The following SPIDR variants were observed in gnomAD, a reference collection of about 807,000 sequenced individuals.
The protein encoded by SPIDR is scaffold protein involved in DNA repair.
SPIDR carries 93 observed loss-of-function variants against 104.6 expected under a neutral mutation model. That is an observed-to-expected ratio of 0.89 (90% CI 0.75 to 1.06). SPIDR has a LOEUF of 1.06. Among genes scored for constraint, SPIDR ranks in the 50% least tolerant of loss-of-function variants. SPIDR has a pLI of 0.00. For missense variants in SPIDR, 1,154 were observed against 1,111.2 expected, an observed-to-expected ratio of 1.04 and a Z score of -0.55; for synonymous variants, 431 against 416.9, an observed-to-expected ratio of 1.03 and a Z score of -0.41.
intron 10 of SPIDR, among the ~76,000 whole-genome samples, chr8:47,653,176 C>G (rs950499627): frequency 1.3e-5 from 2 of 152,190 alleles, no homozygotes; most frequent in Admixed American, 6.5e-5. Flanking sequence ...CTCTGAAAGC[C>G]TGTGTGACTC....
At chr8:47,700,226 C>T (rs1300259650) in intron 11 of SPIDR, among the ~76,000 whole-genome samples, 177 bp from the exon 12 acceptor site, 1 of 152,132 alleles carries the variant, frequency 6.6e-6, no homozygotes, top group Non-Finnish European at 1.5e-5. Context: ...AGTTGGTTTC[C>T]CACAGTGTCT....
chr8:47,477,377 G>A (rs2076408993), intron 8 of SPIDR, among the ~76,000 whole-genome samples: 1 of 152,066 alleles, frequency 6.6e-6, no homozygotes. Context: ...TTTGTATTTT[G>A]TAGAGACAGA....
intron 7 of SPIDR, among the ~76,000 whole-genome samples, chr8:47,433,521 A>G (rs1307316388): frequency 6.6e-6 from 1 of 152,186 alleles, no homozygotes. Flanking sequence ...GCTGTTCTCT[A>G]AAAAGCTGTA....
At chr8:47,658,185 G>A (rs1007774751) in intron 10 of SPIDR, among the ~76,000 whole-genome samples, 2 of 152,032 alleles carry the variant, frequency 1.3e-5, no homozygotes, top group African/African-American at 4.8e-5. Context: ...TTGGGAGGCC[G>A]AGGCGGGCGG....
Position 47,713,123 on chromosome 8 carries a change from C to T in SPIDR, c.2188+251C>T, listed in dbSNP as rs993215512. 3 of 945,574 alleles carry T rather than the reference C, an allele frequency of 3.2e-6. No homozygotes were observed. In the African/African-American group the frequency reaches 4.9e-5, roughly 16 times the overall value. The allele number at this position is 945,574 out of a possible 1,614,324, so 58.6% of individuals were successfully genotyped here. ...CTGCTGGTGGCACCCCATACTGCTGCAGACTCCACAAACAAACCAAAAGCT... is the reference window on the plus strand; with the variant it reads ...CTGCTGGTGGCACCCCATACTGCTGTAGACTCCACAAACAAACCAAAAGCT... On this transcript the variant is annotated intron_variant, in intron 15 of 19. Coordinates refer to ENST00000297423, the MANE Select transcript of SPIDR (RefSeq NM_001080394.4).
At chr8:47,707,884 T>G (rs781744498) in intron 14 of SPIDR, among the ~76,000 whole-genome samples, 1 of 152,240 alleles carries the variant, frequency 6.6e-6, no homozygotes, top group Non-Finnish European at 1.5e-5. Flanking sequence ...CTGTTGCACT[T>G]TTGTCAAAAA....
intron 8 of SPIDR, among the ~76,000 whole-genome samples, chr8:47,588,033 ATATATATATATAT>A (rs1564407024): frequency 0.026 from 596 of 23,292 alleles, 43 homozygotes; most frequent in Non-Finnish European, 0.03. Context: ...TAGCATATAT[ATATATATATATAT>A]ATATATATAT....
intron 5 of SPIDR, among the ~76,000 whole-genome samples, chr8:47,345,483 T>G (rs1158475104): frequency 1.3e-5 from 2 of 152,218 alleles, no homozygotes; most frequent in Non-Finnish European, 2.9e-5. Flanking sequence ...AAAACACTTT[T>G]TTTCAATTCT....
chr8:47,331,965 C>CTTTTTTT (rs1183447584), intron 5 of SPIDR, among the ~76,000 whole-genome samples: 66 of 32,690 alleles, frequency 2.0e-3, no homozygotes, highest in Admixed American at 4.0e-3. Context: ...TTTTTTTAAA[C>CTTTTTTT]TTTTTTTTTT....
At position 47,317,351 on chromosome 8, in the gene SPIDR, A is replaced by G. The variant is rs1010229061; in HGVS notation, c.525+23321A>G. ...GTCCTACACCTGCGGAGCCTCGCTC[A>G]TTGCTAGCACAGCAGTCTGAGATCA... On this transcript the variant is annotated intron_variant, in intron 5 of 19. Transcript: ENST00000297423. Among the ~76,000 whole-genome samples, 1,019 of 152,108 alleles carry G rather than the reference A, an allele frequency of 6.7e-3. 9 individuals carry two copies. The highest frequency in any genetic ancestry group is 0.011 in the Non-Finnish European group (762 of 67,992).
At chr8:47,580,596 A>G (rs903102506) in intron 8 of SPIDR, among the ~76,000 whole-genome samples, 5 of 151,478 alleles carry the variant, frequency 3.3e-5, no homozygotes, top group African/African-American at 9.8e-5. Context: ...CTCCCATGTC[A>G]TCGTGTGCTG....
At chr8:47,355,748 A>G (rs2054413230) in intron 5 of SPIDR, among the ~76,000 whole-genome samples, 1 of 152,208 alleles carries the variant, frequency 6.6e-6, no homozygotes, top group Non-Finnish European at 1.5e-5. Context: ...TTCCTTTGAC[A>G]AAAATATTTA....
intron 8 of SPIDR, among the ~76,000 whole-genome samples, chr8:47,470,786 G>A (rs2075581954): frequency 6.6e-6 from 1 of 151,964 alleles, no homozygotes. Context: ...CCAGGCTGGA[G>A]TGCAGTGGCG....
At chr8:47,712,948 A>T in intron 15 of SPIDR, 76 bp downstream of exon 15, 1 of 1,586,056 alleles carries the variant, frequency 6.3e-7, no homozygotes, top group Non-Finnish European at 8.6e-7. Flanking sequence ...TGGCCTCTGG[A>T]TGCCTCCTTG....
intron 5 of SPIDR, among the ~76,000 whole-genome samples, chr8:47,373,890 A>G (rs980572807): frequency 6.6e-5 from 10 of 152,354 alleles, no homozygotes; most frequent in Admixed American, 2.0e-4. Context: ...AAGTTGTGGT[A>G]AGTACTTACC....
At position 47,735,526 on chromosome 8, in the gene SPIDR, T is replaced by TA; in HGVS notation, c.*76_*77insA. On this transcript the variant is annotated 3_prime_UTR_variant, in exon 20 of 20. Coordinates refer to ENST00000297423, the MANE Select transcript of SPIDR (RefSeq NM_001080394.4). ...TGGTGGTGGTGATTTGGGGTAGTTA[T>TA]TTGTTAACTATGGACACAGTGAACG... is the stretch of plus-strand genomic sequence containing the variant. 6.2e-7 allele frequency: 1 copy of TA among 1,606,498 alleles called. No individual in the cohort carries two copies. The highest frequency in any genetic ancestry group is 1.1e-5 in the South Asian group (1 of 90,566).
intron 3 of SPIDR, 64 bp from the exon 4 acceptor site, chr8:47,290,969 A>C: frequency 7.8e-7 from 1 of 1,282,878 alleles, no homozygotes; most frequent in South Asian, 1.6e-5. Context: ...CATGCATAAA[A>C]TTGTATTCTG....
At chr8:47,584,466 A>G (rs1020298913) in intron 8 of SPIDR, among the ~76,000 whole-genome samples, 2 of 152,222 alleles carry the variant, frequency 1.3e-5, no homozygotes, top group Non-Finnish European at 2.9e-5. Flanking sequence ...CCTAAGGACC[A>G]TCATTTTGTT....
At chr8:47,706,659 T>C (rs1285308182) in intron 14 of SPIDR, among the ~76,000 whole-genome samples, 3 of 152,204 alleles carry the variant, frequency 2.0e-5, no homozygotes. Flanking sequence ...TCACATGTTC[T>C]CTGTCATTAT....
Sources: allele counts gnomAD v4.1 joint callset (sites outside exome capture counted in the v4.1 genomes callset), GRCh38; gene constraint gnomAD v4.1.1; transcripts MANE v1.5; gene names NCBI Gene and HGNC (gene_info 2026-07-23, HGNC 2026-07-21).